CCDC40: variants seen among roughly 807,000 people sequenced by gnomAD.
CCDC40 encodes the protein coiled-coil domain-containing protein 40.
A neutral mutation model predicts 124.5 loss-of-function variants in CCDC40; 104 were observed. The ratio of observed to expected loss-of-function variants is 0.84; its 90% CI spans 0.71 to 0.98. The LOEUF (loss-of-function observed/expected upper bound fraction) is 0.98. CCDC40 is among the 50% of genes least tolerant of loss of function. The pLI, the probability that CCDC40 is intolerant of heterozygous loss-of-function variation, is 0.00. For synonymous variants in CCDC40, 580 were observed against 602.9 expected (o/e 0.96, Z 0.56); for missense variants, 1,463 against 1,503.9 (o/e 0.97, Z 0.45).
intron 12 of CCDC40, among the ~76,000 whole-genome samples, chr17:80,082,949 C>G (rs751673566): frequency 1.3e-5 from 2 of 152,176 alleles, no homozygotes; most frequent in Non-Finnish European, 1.5e-5. Context: ...TTGAACTGCT[C>G]AAAGCCTCAT....
At chr17:80,072,330 A>G (rs2038213081) in intron 10 of CCDC40, among the ~76,000 whole-genome samples, 1 of 152,182 alleles carries the variant, frequency 6.6e-6, no homozygotes, top group African/African-American at 2.4e-5. Context: ...AAAAACAGAG[A>G]AAAGGATTTA....
intron 3 of CCDC40, among the ~76,000 whole-genome samples, chr17:80,045,626 C>G (rs1025347254): frequency 2.0e-5 from 3 of 152,046 alleles, no homozygotes; most frequent in East Asian, 3.9e-4. Context: ...ATCACTTGAA[C>G]CCAGGAGGCG....
intron 7 of CCDC40, among the ~76,000 whole-genome samples, chr17:80,054,585 A>G (rs979335651): frequency 2.0e-5 from 3 of 152,238 alleles, no homozygotes; most frequent in Admixed American, 6.5e-5. Flanking sequence ...CCTGAACAAA[A>G]TGTTAGCAAA....
At chr17:80,059,927 G>C (rs2037854922) in intron 9 of CCDC40, among the ~76,000 whole-genome samples, 1 of 152,164 alleles carries the variant, frequency 6.6e-6, no homozygotes, top group African/African-American at 2.4e-5. Context: ...TAAAGGGAGG[G>C]CCCGGGGCTG....
chr17:80,084,814 G>A lies in CCDC40; in HGVS notation c.2061G>A (p.Arg687=), dbSNP rs189617808. ...TTLDITHTSS[R]LDAHQKTLVE... ...TGGACATCACACACACCAGCAGCAG[G>A]CTGGACGCACACCAGAAGACCCTGG... Residue 687 remains arginine, a synonymous_variant, in exon 13 of 20, where the codon AGG becomes AGA. Coordinates refer to ENST00000397545, the MANE Select transcript of CCDC40 (RefSeq NM_017950.4). 1.5e-4 allele frequency: 238 copies of A among 1,614,170 alleles called. No homozygotes were observed. The African/African-American group carries it at 1.8e-3, about 12-fold the overall frequency.
chr17:80,093,187 C>T (rs2038750576), intron 17 of CCDC40, among the ~76,000 whole-genome samples: 1 of 151,350 alleles, frequency 6.6e-6, no homozygotes, highest in African/African-American at 2.4e-5. Flanking sequence ...CTCCGACTTC[C>T]TTTTTTTTTA....
intron 2 of CCDC40, 143 bp from the exon 3 acceptor site, chr17:80,039,669 C>A: frequency 9.0e-7 from 1 of 1,114,972 alleles, no homozygotes. Flanking sequence ...CTCAGCCTCC[C>A]AAAGTGAAAC....
intron 12 of CCDC40, among the ~76,000 whole-genome samples, chr17:80,082,608 A>G (rs2038480425): frequency 6.6e-6 from 1 of 152,030 alleles, no homozygotes; most frequent in South Asian, 2.1e-4. Flanking sequence ...TTTTAGTCTC[A>G]GAGGAGGGTG....
intron 10 of CCDC40, 47 bp from the exon 11 acceptor site, chr17:80,081,499 C>T (rs746460749): frequency 3.5e-5 from 57 of 1,612,498 alleles, no homozygotes; most frequent in Non-Finnish European, 4.6e-5. Context: ...TGCACTGGCT[C>T]TCTGATGTCT....
rs950613248 is a variant in CCDC40, at chr17:80,059,225, T to G, written c.1440+245T>G. 4.6e-5 allele frequency among the ~76,000 whole-genome samples: 7 copies of G among 152,336 alleles called. No homozygotes were observed. The South Asian group carries it at 8.3e-4, about 18-fold the overall frequency. On this transcript the variant is annotated intron_variant, in intron 9 of 19. Transcript: ENST00000397545. Reference sequence around the variant, plus strand: ...AGAAGGCCTCGCAGGGTTCAGGTACTCTAGTCGCTTCATGACCGCCAAGGC... The same window carrying G: ...AGAAGGCCTCGCAGGGTTCAGGTACGCTAGTCGCTTCATGACCGCCAAGGC...
At chr17:80,062,936 G>A (rs1228861617) in intron 9 of CCDC40, among the ~76,000 whole-genome samples, 3 of 152,068 alleles carry the variant, frequency 2.0e-5, no homozygotes, top group Non-Finnish European at 4.4e-5. Flanking sequence ...GCTCACACCT[G>A]TAATCCCAGC....
chr17:80,039,804 C>T lies in CCDC40; in HGVS notation c.94-8C>T, dbSNP rs1374691389. On this transcript the variant is annotated splice_polypyrimidine_tract_variant and splice_region_variant and intron_variant, in intron 2 of 19. Transcript: ENST00000397545. ...TTTCCTGATTTTTTTCCTGCCACAC[C>T]TTTACAGGTGTCACCACCAGAGAAG... 3.1e-6 allele frequency: 5 copies of T among 1,613,178 alleles called. No individual in the cohort carries two copies. The highest frequency in any genetic ancestry group is 1.1e-5 in the South Asian group (1 of 91,018).
intron 3 of CCDC40, among the ~76,000 whole-genome samples, chr17:80,046,301 C>T (rs1266939401): frequency 6.6e-6 from 1 of 151,998 alleles, no homozygotes; most frequent in Non-Finnish European, 1.5e-5. Context: ...GAGGCCAAAG[C>T]GGAAAGGCTG....
At chr17:80,065,732 G>C in intron 10 of CCDC40, 126 bp downstream of exon 10, 10 of 1,324,590 alleles carry the variant, frequency 7.5e-6, no homozygotes, top group Non-Finnish European at 1.1e-5. Context: ...TGATCCCCGG[G>C]TCCGGGCTTC....
chr17:80,061,117 C>T (rs1307500365), intron 9 of CCDC40, among the ~76,000 whole-genome samples: 6 of 151,994 alleles, frequency 3.9e-5, no homozygotes, highest in East Asian at 1.9e-4. Context: ...AGGCCGAGGC[C>T]GCTGGATCAC....
rs887746370 is a variant in CCDC40 at position 80,038,315 on chromosome 17, G to A, written c.93+129G>A. The A allele has an allele frequency of 1.1e-5, 7 of 655,488 alleles. No homozygotes were observed. The African/African-American group carries it at 1.3e-4, about 12-fold the overall frequency. 40.6% of individuals were successfully genotyped at this position (655,488 alleles called of 1,614,324 possible). A position where few individuals can be genotyped will look rare whatever the true frequency, so the allele number is the denominator to read the frequency against. ...GGAGGCCAAGGCAGGTGGATCACAT[G>A]AGGTTAGGAGTTTGAGACAAGCCTG... On this transcript the variant is annotated intron_variant, in intron 2 of 19. Transcript: ENST00000397545.
intron 7 of CCDC40, among the ~76,000 whole-genome samples, chr17:80,051,650 A>AAAAAAAAAAAAG (rs1441077591): frequency 7.0e-6 from 1 of 143,716 alleles, no homozygotes; most frequent in African/African-American, 2.6e-5. Flanking sequence ...AAAAAAAAAA[A>AAAAAAAAAAAAG]AAAAGAAAAA....
chr17:80,068,075 C>T (rs1011360480), intron 10 of CCDC40: 2 of 810,928 alleles, frequency 2.5e-6, no homozygotes, highest in African/African-American at 3.8e-5. Flanking sequence ...GCTCTGTCCC[C>T]CAGGCTGGAG....
chr17:80,036,648 G>T lies in CCDC40; in HGVS notation c.-15G>T. On this transcript the variant is annotated 5_prime_UTR_variant, in exon 1 of 20. Transcript: ENST00000397545. ...GGCCCGGCCGGATGTTGACAGCGTC[G>T]CCTAGCAACGGGAAATGGCGGAACC... 1 of 1,457,118 alleles carries T rather than the reference G, an allele frequency of 6.9e-7. No individual in the cohort carries two copies. Among genetic ancestry groups the T allele is most frequent in the African/African-American group, 1.4e-5 (1 of 68,988 alleles). The allele number at this position is 1,457,118 out of a possible 1,614,324, so 90.3% of individuals were successfully genotyped here. A position where few individuals can be genotyped will look rare whatever the true frequency, so the allele number is the denominator to read the frequency against.
Sources: allele counts gnomAD v4.1 joint callset (sites outside exome capture counted in the v4.1 genomes callset), GRCh38; gene constraint gnomAD v4.1.1; transcripts MANE v1.5; gene names NCBI Gene and HGNC (gene_info 2026-07-23, HGNC 2026-07-21).